The following CAMK2G variants were observed in gnomAD, a reference collection of about 807,000 sequenced individuals.
CAMK2G encodes the protein calcium/calmodulin-dependent protein kinase type II subunit gamma.
CAMK2G carries 23 observed loss-of-function variants against 88.7 expected under a neutral mutation model. The ratio of observed to expected loss-of-function variants is 0.26; its 90% CI spans 0.19 to 0.37. The LOEUF is 0.37. Among genes scored for constraint, CAMK2G ranks in the 10% least tolerant of loss-of-function variants. CAMK2G has a pLI of 1.00. For synonymous variants in CAMK2G, 263 were observed against 294.8 expected (o/e 0.89, Z 1.11); for missense variants, 476 against 780.8 (o/e 0.61, Z 4.65).
chr10:73,872,306 C>CTCGGAGGTAGTGCAGT (rs1555089623), intron 2 of CAMK2G, among the ~76,000 whole-genome samples: 1 of 151,780 alleles, frequency 6.6e-6, no homozygotes, highest in Middle Eastern at 3.2e-3. Flanking sequence ...GCTCCTCAGA[C>CTCGGAGGTAGTGCAGT]TCGGAGGCAG....
chr10:73,856,762 C>G (rs2095066699), intron 3 of CAMK2G, among the ~76,000 whole-genome samples: 1 of 152,200 alleles, frequency 6.6e-6, no homozygotes, highest in African/African-American at 2.4e-5. Context: ...AGCAACAAAC[C>G]TAATTGCTGT....
At chr10:73,835,921 G>A (rs1191524841) in intron 14 of CAMK2G, among the ~76,000 whole-genome samples, 3 of 152,028 alleles carry the variant, frequency 2.0e-5, no homozygotes, top group African/African-American at 7.2e-5. Flanking sequence ...TGCAACCTCC[G>A]CCTCCCAGGT....
intron 13 of CAMK2G, among the ~76,000 whole-genome samples, chr10:73,837,738 C>G (rs901398459): frequency 2.0e-5 from 3 of 152,142 alleles, no homozygotes; most frequent in African/African-American, 7.2e-5. Flanking sequence ...TGGAGGAGGG[C>G]ATGGATGCAC....
chr10:73,831,228 A>G (rs566616741), intron 14 of CAMK2G, among the ~76,000 whole-genome samples: 145 of 152,256 alleles, frequency 9.5e-4, no homozygotes, highest in African/African-American at 3.2e-3. Flanking sequence ...TACTCCTAGC[A>G]ATCTTCCAGT....
intron 1 of CAMK2G, 148 bp downstream of exon 1, chr10:73,874,249 G>T: frequency 2.7e-6 from 1 of 368,972 alleles, no homozygotes; most frequent in South Asian, 1.3e-4. Flanking sequence ...CGGGGGGCGC[G>T]GGGACCGAAG....
chr10:73,816,417 A>C lies in CAMK2G; in HGVS notation c.1534+606T>G. 4 of 1,053,984 alleles carry C rather than the reference A, an allele frequency of 3.8e-6. No individual in the cohort carries two copies. In the South Asian group the frequency reaches 9.0e-5, roughly 24 times the overall value. The allele number at this position is 1,053,984 out of a possible 1,614,324, so 65.3% of individuals were successfully genotyped here. ...TGAGATCATCTCAACCTAATCTCAA[A>C]GGGTTTCCTTCCAATCCGTCTTGGA... On this transcript the variant is annotated intron_variant, in intron 21 of 22. Coordinates refer to ENST00000423381, the MANE Select transcript of CAMK2G (RefSeq NM_001367534.1).
At position 73,854,347 on chromosome 10, in the gene CAMK2G, C is replaced by T. The variant is rs150679238; in HGVS notation, c.221-1101G>A. On this transcript the variant is annotated intron_variant, in intron 3 of 22. Coordinates refer to ENST00000423381, the MANE Select transcript of CAMK2G (RefSeq NM_001367534.1). ...GGGTAAAAAACCAACCTGAAGTCTT[C>T]TGAGGTCTCCTCTTCAAGTTTCTGC... Among the ~76,000 whole-genome samples the T allele has an allele frequency of 2.3e-3, 344 of 152,312 alleles. 1 individual carries two copies. Among genetic ancestry groups the T allele is most frequent in the Admixed American group, 8.4e-3 (128 of 15,306 alleles).
chr10:73,832,349 A>T (rs1298668470), intron 14 of CAMK2G, among the ~76,000 whole-genome samples: 1 of 151,832 alleles, frequency 6.6e-6, no homozygotes, highest in East Asian at 1.9e-4. Context: ...TTGCTCTGTC[A>T]CCAGGCTGGA....
rs2084608535 is a variant in CAMK2G, at chr10:73,813,315, G to C, written c.*1203C>G. ...AGTAAGTCTATACTTCAGTTGGTCA[G>C]TAAAGAGGCCTCTGTAAGGACACCT... On this transcript the variant is annotated 3_prime_UTR_variant, in exon 23 of 23. Transcript: ENST00000423381. The C allele has an allele frequency of 6.5e-6, 1 of 152,690 alleles. No homozygotes were observed. 9.5% of individuals were successfully genotyped at this position (152,690 alleles called of 1,614,324 possible).
In CAMK2G at chr10:73,839,778, G is replaced by C. The variant is rs1407520630; in HGVS notation, c.947-177C>G. 6.6e-6 allele frequency among the ~76,000 whole-genome samples: 1 copy of C among 152,196 alleles called. No individual in the cohort carries two copies. Among genetic ancestry groups the C allele is most frequent in the South Asian group, 2.1e-4 (1 of 4,834 alleles). The stretch of plus-strand genomic sequence containing the variant: ...GGCGCAGCCAGCCCTGCAGCAGTCT[G>C]GGGGCCTGGGAAGACCGGGCTGGGC... On this transcript the variant is annotated intron_variant, in intron 12 of 22. Coordinates refer to ENST00000423381, the MANE Select transcript of CAMK2G (RefSeq NM_001367534.1). The surrounding 1 kb of genome is among the most constrained non-coding windows in gnomAD (Gnocchi z 4.2).
rs1420128184 is a variant in CAMK2G, at chr10:73,842,759, A to G, written c.820-218T>C. Among the ~76,000 whole-genome samples, 1 of 152,226 alleles carries G rather than the reference A, an allele frequency of 6.6e-6. No individual in the cohort carries two copies. The highest frequency in any genetic ancestry group is 2.1e-4 in the South Asian group (1 of 4,834). ...AGGACAACATGAACGTGAGAACACCATAACGGATGCTAGACGGGCTGCTGA... is the reference window on the plus strand; with the variant it reads ...AGGACAACATGAACGTGAGAACACCGTAACGGATGCTAGACGGGCTGCTGA... On this transcript the variant is annotated intron_variant, in intron 10 of 22. Transcript: ENST00000423381. This position sits in a 1 kb window ranked among gnomAD's most constrained non-coding sequence, Gnocchi z 4.6.
chr10:73,847,852 C>T (rs1009143626), intron 9 of CAMK2G, 136 bp downstream of exon 9: 1 of 600,010 alleles, frequency 1.7e-6, no homozygotes, highest in African/African-American at 1.8e-5. Context: ...CCTGGATGCC[C>T]ATTCCTGGGT....
intron 18 of CAMK2G, among the ~76,000 whole-genome samples, chr10:73,821,294 G>A (rs1176207589): frequency 1.3e-5 from 2 of 152,096 alleles, no homozygotes; most frequent in Admixed American, 6.5e-5. Flanking sequence ...TTCTGTGTCC[G>A]AGGAAAACCA....
At chr10:73,855,711 A>G (rs1371552204) in intron 3 of CAMK2G, among the ~76,000 whole-genome samples, 2 of 152,254 alleles carry the variant, frequency 1.3e-5, no homozygotes, top group African/African-American at 2.4e-5. Flanking sequence ...AGAAGAAAGG[A>G]GCAGCAAAGG....
chr10:73,835,456 C>T (rs1247709799), intron 14 of CAMK2G, among the ~76,000 whole-genome samples: 1 of 151,788 alleles, frequency 6.6e-6, no homozygotes, highest in Non-Finnish European at 1.5e-5. Context: ...ACCACTATGC[C>T]CAGTTAATTT....
rs140812847 is a variant in CAMK2G, at chr10:73,833,082, T to A, written c.1053+4386A>T. The stretch of plus-strand genomic sequence containing the variant: ...CTCAAGCAATCCTCCCACCTCAGCC[T>A]CCCAAGTAGCTGGGACTACAGGCAC... On this transcript the variant is annotated intron_variant, in intron 14 of 22. Coordinates refer to ENST00000423381, the MANE Select transcript of CAMK2G (RefSeq NM_001367534.1). 8.1e-4 allele frequency among the ~76,000 whole-genome samples: 122 copies of A among 150,370 alleles called. 3 individuals carry two copies. The East Asian group carries it at 0.022, about 27-fold the overall frequency.
chr10:73,837,992 G>T (rs1565313483), intron 13 of CAMK2G, among the ~76,000 whole-genome samples: 1 of 152,220 alleles, frequency 6.6e-6, no homozygotes, highest in African/African-American at 2.4e-5. Context: ...GACAGACACA[G>T]ACACAGAAAC....
At chr10:73,819,993 TG>T (rs2133278824) in intron 18 of CAMK2G, among the ~76,000 whole-genome samples, 1 of 152,290 alleles carries the variant, frequency 6.6e-6, no homozygotes, top group Non-Finnish European at 1.5e-5. Context: ...CCTCCTATGT[TG>T]CCAGCAGTGC....
In CAMK2G at chr10:73,826,533, A is replaced by G. The variant is rs952703982; in HGVS notation, c.1087-1186T>C. On this transcript the variant is annotated intron_variant, in intron 15 of 22. Coordinates refer to ENST00000423381, the MANE Select transcript of CAMK2G (RefSeq NM_001367534.1). ...GAAGAAAGGAAGAAGGCTGATCTCC[A>G]GGGCAGGGAGCCATATCCATGTGAT... Among the ~76,000 whole-genome samples, 54 of 152,186 alleles carry G rather than the reference A, an allele frequency of 3.5e-4. 1 individual carries two copies. The highest frequency in any genetic ancestry group is 3.4e-3 in the Admixed American group (52 of 15,280).
Sources: gnomAD v4.1 joint callset for allele counts (sites outside exome capture counted in the v4.1 genomes callset) on GRCh38, gnomAD v4.1.1 for gene constraint, Gnocchi (gnomAD v3.1) non-coding constraint, MANE v1.5 for transcripts, NCBI Gene and HGNC (gene_info 2026-07-23, HGNC 2026-07-21) for gene names.